TMEM117: variants seen among roughly 807,000 people sequenced by gnomAD.
TMEM117 encodes the protein transmembrane protein 117.
A neutral mutation model predicts 52.4 loss-of-function variants in TMEM117; 27 were observed. That is an observed-to-expected ratio of 0.51 (90% CI 0.38 to 0.71). The LOEUF is 0.71. Among genes scored for constraint, TMEM117 ranks in the 30% least tolerant of loss-of-function variants. The pLI, the probability that TMEM117 is intolerant of heterozygous loss-of-function variation, is 0.00. For synonymous variants in TMEM117, 215 were observed against 206.3 expected (o/e 1.04, Z -0.36); for missense variants, 556 against 630.5 (o/e 0.88, Z 1.26).
intron 2 of TMEM117, among the ~76,000 whole-genome samples, chr12:43,861,482 C>T (rs927234092): frequency 6.6e-6 from 1 of 152,176 alleles, no homozygotes; most frequent in Non-Finnish European, 1.5e-5. Flanking sequence ...ATGCTATCCA[C>T]TGAATTTTGT....
intron 5 of TMEM117, among the ~76,000 whole-genome samples, chr12:44,276,849 T>A (rs1950517678): frequency 6.6e-6 from 1 of 152,014 alleles, no homozygotes; most frequent in Non-Finnish European, 1.5e-5. Flanking sequence ...CTAGACCTGT[T>A]TTTTTTCCTT....
chr12:44,331,581 T>A (rs1951271346), intron 6 of TMEM117, among the ~76,000 whole-genome samples: 2 of 152,094 alleles, frequency 1.3e-5, no homozygotes, highest in South Asian at 4.1e-4. Flanking sequence ...AAGAAGGAAC[T>A]GTTTATCAAT....
chr12:44,127,505 C>T (rs921278422), intron 3 of TMEM117, among the ~76,000 whole-genome samples: 8 of 151,862 alleles, frequency 5.3e-5, no homozygotes, highest in African/African-American at 1.7e-4. Context: ...GGAGAAACCC[C>T]ATCTCTATTA....
intron 4 of TMEM117, among the ~76,000 whole-genome samples, chr12:44,210,325 T>A (rs559898672): frequency 2.6e-5 from 4 of 152,300 alleles, no homozygotes; most frequent in Non-Finnish European, 5.9e-5. Context: ...TCCATCCTCA[T>A]TGGATTTTTA....
intron 6 of TMEM117, among the ~76,000 whole-genome samples, chr12:44,350,338 A>T (rs962725418): frequency 3.3e-5 from 5 of 152,130 alleles, no homozygotes; most frequent in Non-Finnish European, 4.4e-5. Context: ...CATAATAATC[A>T]TATCATGGAA....
chr12:44,329,110 C>T (rs1951234489), intron 6 of TMEM117, among the ~76,000 whole-genome samples: 1 of 151,970 alleles, frequency 6.6e-6, no homozygotes, highest in South Asian at 2.1e-4. Flanking sequence ...CTCAGGGTTT[C>T]ACTGTGTAAA....
chr12:43,944,100 C>A, intron 2 of TMEM117, 110 bp from the exon 3 acceptor site: 1 of 960,316 alleles, frequency 1.0e-6, no homozygotes, highest in South Asian at 1.9e-5. Flanking sequence ...AGTCTTATGG[C>A]AAAGACTTCA....
intron 2 of TMEM117, among the ~76,000 whole-genome samples, chr12:43,919,940 A>G (rs1012209106): frequency 6.6e-6 from 1 of 151,684 alleles, no homozygotes; most frequent in Non-Finnish European, 1.5e-5. Context: ...ATTCGTATTT[A>G]TATCTCTAGG....
At chr12:43,846,726 A>C (rs993454397) in intron 2 of TMEM117, among the ~76,000 whole-genome samples, 1 of 152,218 alleles carries the variant, frequency 6.6e-6, no homozygotes, top group Non-Finnish European at 1.5e-5. Flanking sequence ...AGAATGTAAT[A>C]ATAGAGCTTT....
intron 4 of TMEM117, among the ~76,000 whole-genome samples, chr12:44,193,040 G>A (rs933187610): frequency 3.3e-5 from 5 of 152,162 alleles, no homozygotes; most frequent in Non-Finnish European, 7.4e-5. Context: ...AATCTGTAGG[G>A]TTTATTTGGC....
At chr12:44,297,091 T>C (rs559734573) in intron 5 of TMEM117, among the ~76,000 whole-genome samples, 2 of 152,362 alleles carry the variant, frequency 1.3e-5, no homozygotes, top group South Asian at 4.1e-4. Flanking sequence ...GAGGATCTCC[T>C]ATTCTGCTAT....
chr12:44,046,743 T>C (rs1245936788), intron 3 of TMEM117, among the ~76,000 whole-genome samples: 3 of 152,232 alleles, frequency 2.0e-5, no homozygotes, highest in Non-Finnish European at 2.9e-5. Flanking sequence ...TGTTTGTGCA[T>C]GTATAGACTT....
rs17094272 is a variant in TMEM117, at chr12:44,213,988, T to C, written c.608+2601T>C. On this transcript the variant is annotated intron_variant, in intron 5 of 7. Transcript: ENST00000266534. ...GTATACTATTTGCAAGGGTAAGCCA[T>C]GTATTCTATAGGCCCCTATGATTGT... Among the ~76,000 whole-genome samples the C allele has an allele frequency of 1.9e-3, 292 of 152,246 alleles. 7 individuals carry two copies. In the East Asian group the frequency reaches 0.035, roughly 18 times the overall value.
At chr12:43,823,981 T>C in the TMEM117 span, among the ~76,000 whole-genome samples, 2 of 152,338 alleles carry the variant, frequency 1.3e-5, no homozygotes, top group South Asian at 2.1e-4. Flanking sequence ...TTAGTATACA[T>C]ATACATTCTC....
At chr12:43,860,275 G>T (rs1261716239) in intron 2 of TMEM117, among the ~76,000 whole-genome samples, 1 of 151,406 alleles carries the variant, frequency 6.6e-6, no homozygotes, top group Non-Finnish European at 1.5e-5. Context: ...TGTCTCATTT[G>T]CAAAGTACAG....
chr12:44,223,083 T>C (rs1949811381), intron 5 of TMEM117, among the ~76,000 whole-genome samples: 3 of 151,250 alleles, frequency 2.0e-5, no homozygotes, highest in Admixed American at 2.0e-4. Flanking sequence ...GGGGTACAAG[T>C]GCAGGTTTGT....
At chr12:44,063,535 G>A (rs539514836) in intron 3 of TMEM117, among the ~76,000 whole-genome samples, 1 of 151,860 alleles carries the variant, frequency 6.6e-6, no homozygotes, top group Non-Finnish European at 1.5e-5. Flanking sequence ...TGTTACATAT[G>A]TATACATGTG....
At chr12:43,997,746 A>G (rs982622856) in intron 3 of TMEM117, among the ~76,000 whole-genome samples, 3 of 152,310 alleles carry the variant, frequency 2.0e-5, no homozygotes, top group African/African-American at 4.8e-5. Context: ...AAAGCCCTGT[A>G]GGCCCACCTC....
At chr12:44,094,654 C>T (rs1477372996) in intron 3 of TMEM117, among the ~76,000 whole-genome samples, 2 of 152,054 alleles carry the variant, frequency 1.3e-5, no homozygotes, top group African/African-American at 4.8e-5. Context: ...TAATTCTTCC[C>T]ATTTCTAGTA....
Sources: gnomAD v4.1 joint callset for allele counts (sites outside exome capture counted in the v4.1 genomes callset) on GRCh38, gnomAD v4.1.1 for gene constraint, MANE v1.5 for transcripts, NCBI Gene and HGNC (gene_info 2026-07-23, HGNC 2026-07-21) for gene names.